Variants in EFNA5 observed in about 807,000 individuals in gnomAD.
The protein encoded by EFNA5 is ephrin A5, also known as ephrin-A5.
In EFNA5, 5 loss-of-function variants were observed where a neutral mutation model predicts 22.9. That is an observed-to-expected ratio of 0.22 (90% CI 0.11 to 0.46). The LOEUF (loss-of-function observed/expected upper bound fraction) is 0.46. Among genes scored for constraint, EFNA5 ranks in the 20% least tolerant of loss-of-function variants. EFNA5 has a pLI of 0.99. For missense variants in EFNA5, 237 were observed against 293.3 expected (o/e 0.81, Z 1.40); for synonymous variants, 113 against 112.2 (o/e 1.01, Z -0.04).
intron 1 of EFNA5, among the ~76,000 whole-genome samples, chr5:107,645,991 T>C (rs1029186780): frequency 6.6e-6 from 1 of 152,204 alleles, no homozygotes; most frequent in East Asian, 1.9e-4. Flanking sequence ...AGGATCTATT[T>C]ACACTTCTGC....
intron 1 of EFNA5, among the ~76,000 whole-genome samples, chr5:107,595,068 G>A (rs1749446524): frequency 6.6e-6 from 1 of 151,988 alleles, no homozygotes; most frequent in Admixed American, 6.6e-5. Context: ...AGGAGGAAGT[G>A]GAGTCATTGG....
At chr5:107,615,271 T>G (rs1215914737) in intron 1 of EFNA5, among the ~76,000 whole-genome samples, 3 of 152,130 alleles carry the variant, frequency 2.0e-5, no homozygotes, top group African/African-American at 7.2e-5. Flanking sequence ...GAAGCCTCAG[T>G]TTTTATCATT....
intron 2 of EFNA5, among the ~76,000 whole-genome samples, chr5:107,389,698 A>T (rs980922690): frequency 6.6e-6 from 1 of 152,216 alleles, no homozygotes; most frequent in African/African-American, 2.4e-5. Flanking sequence ...GGCACATGGC[A>T]ATAACTAAAC....
chr5:107,528,384 G>GT (rs113429180), intron 1 of EFNA5, among the ~76,000 whole-genome samples: 27,431 of 151,986 alleles, frequency 0.18, 2,871 homozygotes, highest in Middle Eastern at 0.37. Flanking sequence ...TTGTTTTTTA[G>GT]TTTTTTTATT....
chr5:107,589,354 A>G (rs796689834), intron 1 of EFNA5, among the ~76,000 whole-genome samples: 12 of 152,306 alleles, frequency 7.9e-5, no homozygotes, highest in African/African-American at 1.2e-4. Flanking sequence ...AGATCCTAAG[A>G]AAACAAAGTG....
intron 1 of EFNA5, among the ~76,000 whole-genome samples, chr5:107,669,964 C>G (rs77199804): frequency 0.063 from 9,572 of 151,586 alleles, 431 homozygotes; most frequent in Middle Eastern, 0.15. Flanking sequence ...TCCCAGCCCC[C>G]CTCACTTCCC....
At chr5:107,658,326 G>A (rs932532145) in intron 1 of EFNA5, among the ~76,000 whole-genome samples, 1 of 152,144 alleles carries the variant, frequency 6.6e-6, no homozygotes, top group African/African-American at 2.4e-5. Context: ...AGACATTTAT[G>A]ACAGGATCCT....
chr5:107,578,443 G>C (rs1748971112), intron 1 of EFNA5, among the ~76,000 whole-genome samples: 4 of 152,144 alleles, frequency 2.6e-5, no homozygotes, highest in Admixed American at 2.0e-4. Context: ...TCCCAAGAGG[G>C]GGCCACACGA....
rs542712952 is a variant in EFNA5 at position 107,547,842 on chromosome 5, C to A, written c.126-120333G>T. Among the ~76,000 whole-genome samples the A allele has an allele frequency of 3.3e-5, 5 of 152,120 alleles. No homozygotes were observed. The South Asian group carries it at 1.0e-3, about 32-fold the overall frequency. ...ATGTAACTTTGGTAAAATAGCTTAACTAAAAATCTGTTATTAAAATAAGTG... is the reference window on the plus strand; with the variant it reads ...ATGTAACTTTGGTAAAATAGCTTAAATAAAAATCTGTTATTAAAATAAGTG... On this transcript the variant is annotated intron_variant, in intron 1 of 4. Coordinates refer to ENST00000333274, the MANE Select transcript of EFNA5 (RefSeq NM_001962.3).
At chr5:107,505,432 C>G (rs975429299) in intron 1 of EFNA5, among the ~76,000 whole-genome samples, 3 of 152,214 alleles carry the variant, frequency 2.0e-5, no homozygotes, top group East Asian at 1.9e-4. Context: ...CTAGGGCATG[C>G]TATATGGGAA....
chr5:107,584,877 G>C lies in EFNA5; in HGVS notation c.125+85612C>G, dbSNP rs914733549. Among the ~76,000 whole-genome samples the C allele has an allele frequency of 5.3e-5, 8 of 152,190 alleles. No homozygotes were observed. The South Asian group carries it at 6.2e-4, about 12-fold the overall frequency. ...AGGTTTGACCCATTGCAGGCACTCA[G>C]TAATTGAGGCAAGGGCAGAAGTGGC... On this transcript the variant is annotated intron_variant, in intron 1 of 4. Coordinates refer to ENST00000333274, the MANE Select transcript of EFNA5 (RefSeq NM_001962.3).
chr5:107,607,453 G>C (rs1230183773), intron 1 of EFNA5, among the ~76,000 whole-genome samples: 1 of 152,160 alleles, frequency 6.6e-6, no homozygotes, highest in Non-Finnish European at 1.5e-5. Context: ...AGACAACACT[G>C]TCTAGTTTGC....
At chr5:107,398,330 C>T (rs1747983850) in intron 2 of EFNA5, among the ~76,000 whole-genome samples, 1 of 152,094 alleles carries the variant, frequency 6.6e-6, no homozygotes, top group Admixed American at 6.6e-5. Flanking sequence ...TCCAGGTTCC[C>T]ACAGAGATCT....
At chr5:107,540,932 C>G (rs757597402) in intron 1 of EFNA5, among the ~76,000 whole-genome samples, 8 of 152,060 alleles carry the variant, frequency 5.3e-5, no homozygotes, top group Non-Finnish European at 1.0e-4. Flanking sequence ...CATGGTGAAG[C>G]CCTGTCTCTA....
chr5:107,592,092 A>ATAAAT (rs546617501), intron 1 of EFNA5, among the ~76,000 whole-genome samples: 26,474 of 96,418 alleles, frequency 0.27, 5,811 homozygotes, highest in Middle Eastern at 0.4. Flanking sequence ...TTAATTTTTA[A>ATAAAT]TAAAAATATA....
intron 1 of EFNA5, among the ~76,000 whole-genome samples, chr5:107,577,840 C>A (rs939064673): frequency 8.5e-5 from 13 of 152,148 alleles, no homozygotes; most frequent in African/African-American, 3.1e-4. Context: ...GCTGCATCAG[C>A]AAGCATATTG....
chr5:107,485,950 G>A (rs1746607012), intron 1 of EFNA5, among the ~76,000 whole-genome samples: 1 of 152,102 alleles, frequency 6.6e-6, no homozygotes, highest in Non-Finnish European at 1.5e-5. Flanking sequence ...ATACTGAAGC[G>A]AGCACGGCAT....
intron 1 of EFNA5, among the ~76,000 whole-genome samples, chr5:107,475,035 C>G (rs1750245331): frequency 6.6e-6 from 1 of 152,186 alleles, no homozygotes; most frequent in Non-Finnish European, 1.5e-5. Flanking sequence ...ACTAAACAAA[C>G]TTCTGAGCTA....
chr5:107,645,898 C>T (rs551200198), intron 1 of EFNA5, among the ~76,000 whole-genome samples: 6 of 152,282 alleles, frequency 3.9e-5, no homozygotes, highest in Admixed American at 1.3e-4. Flanking sequence ...GGCCTGAAGC[C>T]GTCACCTGTT....
Sources: gnomAD v4.1 joint callset for allele counts (sites outside exome capture counted in the v4.1 genomes callset) on GRCh38, gnomAD v4.1.1 for gene constraint, MANE v1.5 for transcripts, NCBI Gene and HGNC (gene_info 2026-07-23, HGNC 2026-07-21) for gene names.